Variants in VPS13B observed in about 807,000 individuals in gnomAD.
The protein encoded by VPS13B is vacuolar protein sorting 13 homolog B, also known as intermembrane lipid transfer protein VPS13B.
VPS13B carries 285 observed loss-of-function variants against 426.4 expected under a neutral mutation model. That is an observed-to-expected ratio of 0.67 (90% CI 0.61 to 0.74). VPS13B has a LOEUF of 0.74. Ranked by LOEUF, VPS13B falls within the 30% of genes least tolerant of loss-of-function variation. The pLI, the probability that VPS13B is intolerant of heterozygous loss-of-function variation, is 0.00. For synonymous variants in VPS13B, 1,676 were observed against 1,676.4 expected, an observed-to-expected ratio of 1.00 and a Z score of 0.01; for missense variants, 4,537 against 4,782.6, an observed-to-expected ratio of 0.95 and a Z score of 1.51.
intron 36 of VPS13B, among the ~76,000 whole-genome samples, chr8:99,714,502 T>C (rs776169552): frequency 2.5e-4 from 38 of 152,164 alleles, no homozygotes; most frequent in Non-Finnish European, 4.1e-4. Context: ...AGAGCATATC[T>C]GCATAATCTC....
At chr8:99,476,530 A>C (rs994599012) in intron 24 of VPS13B, among the ~76,000 whole-genome samples, 1 of 152,064 alleles carries the variant, frequency 6.6e-6, no homozygotes, top group Non-Finnish European at 1.5e-5. Context: ...TCATAATCCA[A>C]CTATTGAAAG....
chr8:99,461,768 A>G (rs1234797691), intron 23 of VPS13B, among the ~76,000 whole-genome samples: 2 of 152,158 alleles, frequency 1.3e-5, no homozygotes, highest in Non-Finnish European at 2.9e-5. Context: ...TTACTGGAGT[A>G]TCCTATTTTA....
intron 23 of VPS13B, among the ~76,000 whole-genome samples, chr8:99,465,838 T>C (rs1819085145): frequency 6.6e-6 from 1 of 151,974 alleles, no homozygotes; most frequent in Non-Finnish European, 1.5e-5. Flanking sequence ...CACATATTAT[T>C]ATGCAGTTAT....
intron 23 of VPS13B, among the ~76,000 whole-genome samples, chr8:99,448,124 TA>T (rs1563735726): frequency 5.1e-5 from 4 of 78,234 alleles, no homozygotes; most frequent in Admixed American, 4.0e-4. Flanking sequence ...GTTTTATTTT[TA>T]TTTATTTATT....
chr8:99,053,631 G>T (rs560175139), intron 3 of VPS13B, among the ~76,000 whole-genome samples: 92 of 149,828 alleles, frequency 6.1e-4, no homozygotes, highest in African/African-American at 2.2e-3. Context: ...GTGTCCTCAA[G>T]GTTCATCCAT....
chr8:99,081,712 T>C (rs1010384220), intron 3 of VPS13B, among the ~76,000 whole-genome samples: 2 of 151,648 alleles, frequency 1.3e-5, no homozygotes, highest in Non-Finnish European at 2.9e-5. Context: ...ACATGCAGTG[T>C]TTGGTTTTTT....
At chr8:99,627,623 A>G (rs1828670309) in intron 33 of VPS13B, among the ~76,000 whole-genome samples, 1 of 152,114 alleles carries the variant, frequency 6.6e-6, no homozygotes, top group South Asian at 2.1e-4. Flanking sequence ...ACCTCATGTG[A>G]TCTGCCTGCC....
intron 36 of VPS13B, among the ~76,000 whole-genome samples, chr8:99,709,098 C>G (rs1336000026): frequency 2.6e-5 from 4 of 152,012 alleles, no homozygotes; most frequent in Non-Finnish European, 5.9e-5. Context: ...AAAATTTTGT[C>G]GTTTTCACAT....
At chr8:99,798,454 T>G (rs1331117170) in intron 43 of VPS13B, among the ~76,000 whole-genome samples, 1 of 152,178 alleles carries the variant, frequency 6.6e-6, no homozygotes, top group African/African-American at 2.4e-5. Flanking sequence ...TTCCTTTTCC[T>G]TTATATTTCA....
intron 58 of VPS13B, among the ~76,000 whole-genome samples, chr8:99,863,739 G>A (rs939617772): frequency 2.0e-5 from 3 of 152,186 alleles, no homozygotes. Flanking sequence ...CTGATCTTTG[G>A]TGTAGTCATT....
chr8:99,739,447 T>C (rs1833976089), intron 39 of VPS13B, among the ~76,000 whole-genome samples: 1 of 152,210 alleles, frequency 6.6e-6, no homozygotes, highest in African/African-American at 2.4e-5. Context: ...GACTTAAATG[T>C]CCCTGTCTGA....
intron 17 of VPS13B, among the ~76,000 whole-genome samples, chr8:99,247,677 T>C (rs918967678): frequency 1.3e-5 from 2 of 152,230 alleles, no homozygotes; most frequent in African/African-American, 4.8e-5. Flanking sequence ...AACTATCAAC[T>C]ACATAAATTT....
At chr8:99,041,094 G>A (rs774837048) in intron 3 of VPS13B, among the ~76,000 whole-genome samples, 3 of 152,142 alleles carry the variant, frequency 2.0e-5, no homozygotes, top group Non-Finnish European at 4.4e-5. Flanking sequence ...CTTACAATCA[G>A]TTTTACTTAT....
chr8:99,038,678 A>AT, intron 3 of VPS13B, 112 bp downstream of exon 3: 5 of 463,520 alleles, frequency 1.1e-5, no homozygotes, highest in South Asian at 3.5e-5. Context: ...TAGCTTATAT[A>AT]CTTTTTTTTT....
chr8:99,803,822 C>T (rs1018648005), intron 43 of VPS13B, among the ~76,000 whole-genome samples: 19 of 152,096 alleles, frequency 1.2e-4, no homozygotes, highest in South Asian at 2.1e-4. Context: ...GATTTAATTT[C>T]GATTCAATTG....
intron 17 of VPS13B, chr8:99,233,890 A>C (rs970500828): frequency 6.4e-6 from 5 of 782,574 alleles, no homozygotes; most frequent in Middle Eastern, 3.5e-4. Flanking sequence ...GGCATGCTTC[A>C]GAAGTCCCCT....
intron 23 of VPS13B, among the ~76,000 whole-genome samples, chr8:99,444,132 T>A (rs1325136980): frequency 6.6e-6 from 1 of 152,066 alleles, no homozygotes; most frequent in Non-Finnish European, 1.5e-5. Context: ...GGAGTCTTGC[T>A]CTGTCGCCTG....
intron 3 of VPS13B, among the ~76,000 whole-genome samples, chr8:99,049,744 A>G (rs1339921260): frequency 6.6e-6 from 1 of 151,918 alleles, no homozygotes; most frequent in East Asian, 1.9e-4. Flanking sequence ...GTTTTCCTTG[A>G]TTATTCCCCC....
At chr8:99,351,951 G>T (rs1811918163) in intron 19 of VPS13B, among the ~76,000 whole-genome samples, 1 of 152,074 alleles carries the variant, frequency 6.6e-6, no homozygotes, top group South Asian at 2.1e-4. Context: ...AATCAGTGTG[G>T]TAGTATTATG....
Sources: allele counts gnomAD v4.1 joint callset (sites outside exome capture counted in the v4.1 genomes callset), GRCh38; gene constraint gnomAD v4.1.1; transcripts MANE v1.5; gene names NCBI Gene and HGNC (gene_info 2026-07-23, HGNC 2026-07-21).